The following RNFT2 variants were observed in gnomAD, a reference collection of about 807,000 sequenced individuals.
RNFT2 encodes ring finger protein, transmembrane 2, also known as E3 ubiquitin-protein ligase RNFT2.
Under a neutral mutation model 53.0 loss-of-function variants are expected in RNFT2, and 36 were observed. The ratio of observed to expected loss-of-function variants is 0.68; its 90% confidence interval spans 0.52 to 0.90. The LOEUF (loss-of-function observed/expected upper bound fraction) is 0.90, where lower values mean the gene tolerates loss of function less well. Among genes scored for constraint, RNFT2 ranks in the 40% least tolerant of loss-of-function variants. The pLI is 0.00. For synonymous variants in RNFT2, 260 were observed against 253.2 expected, an observed-to-expected ratio of 1.03 and a Z score of -0.26; for missense variants, 514 against 585.6, an observed-to-expected ratio of 0.88 and a Z score of 1.26.
chr12:116,740,616 A>G, intron 2 of RNFT2, 95 bp downstream of exon 2: 1 of 1,094,098 alleles, frequency 9.1e-7, no homozygotes, highest in East Asian at 2.6e-5. Context: ...CACCCCTCCC[A>G]TGTAACACAT....
chr12:116,750,375 T>TG, intron 4 of RNFT2, 68 bp downstream of exon 4: 2 of 1,455,420 alleles, frequency 1.4e-6, no homozygotes, highest in Non-Finnish European at 1.9e-6. Flanking sequence ...GCCGGTGGGG[T>TG]GGGGGCTCCT....
At chr12:116,744,399 AG>A (rs973310674) in intron 3 of RNFT2, among the ~76,000 whole-genome samples, 3 of 152,268 alleles carry the variant, frequency 2.0e-5, no homozygotes, top group Non-Finnish European at 4.4e-5. Context: ...AGAGCACAGC[AG>A]GAAACTCAAA....
rs556330974 is a variant in RNFT2, at chr12:116,755,958, G to A, written c.627+1898G>A. Reference sequence around the variant, plus strand: ...TTTGTACCAGTACCATGCTGTTTTGGTGACTATGGCCTTATAGTATAGGTT... The same window carrying A: ...TTTGTACCAGTACCATGCTGTTTTGATGACTATGGCCTTATAGTATAGGTT... On this transcript the variant is annotated intron_variant, in intron 5 of 10. Coordinates refer to ENST00000257575, the MANE Select transcript of RNFT2 (RefSeq NM_001382266.1). The A allele has an allele frequency of 4.7e-5, 39 of 830,618 alleles. No individual in the cohort carries two copies. The East Asian group carries it at 9.3e-4, about 20-fold the overall frequency. The allele number at this position is 830,618 out of a possible 1,614,324, so 51.5% of individuals were successfully genotyped here.
intron 7 of RNFT2, among the ~76,000 whole-genome samples, chr12:116,786,230 TC>T (rs1873929665): frequency 2.0e-5 from 3 of 151,788 alleles, no homozygotes; most frequent in African/African-American, 7.2e-5. Flanking sequence ...CAAGGTATTC[TC>T]CTGCCTCAGC....
At chr12:116,771,220 G>T (rs1873160729) in intron 6 of RNFT2, among the ~76,000 whole-genome samples, 1 of 151,992 alleles carries the variant, frequency 6.6e-6, no homozygotes, top group Non-Finnish European at 1.5e-5. Context: ...AGCACTTTGG[G>T]AGGCCGAGAT....
intron 7 of RNFT2, among the ~76,000 whole-genome samples, chr12:116,781,057 C>T (rs10744883): frequency 0.84 from 127,708 of 152,172 alleles, 55,206 homozygotes; most frequent in Non-Finnish European, 0.94. Context: ...CTTTGCTCCA[C>T]GCTCTGCACA....
chr12:116,814,108 T>C lies in RNFT2; in HGVS notation c.883-19684T>C, dbSNP rs962888191. Reference sequence around the variant, plus strand: ...GTCATTCTCCAGGAGTAGATGATGATAGTCATTGTCATGGCAACATTGTAG... The same window carrying C: ...GTCATTCTCCAGGAGTAGATGATGACAGTCATTGTCATGGCAACATTGTAG... On this transcript the variant is annotated intron_variant, in intron 7 of 10. Transcript: ENST00000257575. 3.9e-5 allele frequency among the ~76,000 whole-genome samples: 6 copies of C among 152,274 alleles called. No individual in the cohort carries two copies. In the East Asian group the frequency reaches 1.2e-3, roughly 29 times the overall value.
At chr12:116,796,688 G>A (rs981724734) in intron 7 of RNFT2, among the ~76,000 whole-genome samples, 1 of 152,128 alleles carries the variant, frequency 6.6e-6, no homozygotes, top group African/African-American at 2.4e-5. Flanking sequence ...AGGCATCTTC[G>A]CTCCTGGAGG....
chr12:116,749,978 C>G lies in RNFT2; in HGVS notation c.221C>G (p.Ser74Cys), dbSNP rs1872099717. ...SGSLPTSSFPSSLVLGSSAGG... is the reference protein window; with the variant it reads ...SGSLPTSSFPCSLVLGSSAGG... Reference sequence around the variant, plus strand: ...AGCCTCCCCACCAGCTCGTTCCCCTCCAGCCTGGTGCTGGGCTCCTCGGCT... The same window carrying G: ...AGCCTCCCCACCAGCTCGTTCCCCTGCAGCCTGGTGCTGGGCTCCTCGGCT... The change falls in exon 4 of 11, where the codon TCC becomes TGC. Residue 74 changes from serine (S) to cysteine (C), a missense_variant. Ser to Cys is a moderately radical substitution (Grantham distance 112). Coordinates refer to ENST00000257575, the MANE Select transcript of RNFT2 (RefSeq NM_001382266.1). 1.3e-6 allele frequency: 2 copies of G among 1,561,062 alleles called. No individual in the cohort carries two copies. The highest frequency in any genetic ancestry group is 1.7e-6 in the Non-Finnish European group (2 of 1,152,450).
At chr12:116,805,138 A>G (rs1329505638) in intron 7 of RNFT2, among the ~76,000 whole-genome samples, 1 of 73,356 alleles carries the variant, frequency 1.4e-5, no homozygotes, top group South Asian at 4.7e-4. Flanking sequence ...TTTTTTTTTT[A>G]GAAGTTTTAG....
At position 116,760,923 on chromosome 12, in the gene RNFT2, G is replaced by C. The variant is rs578030980; in HGVS notation, c.628-5891G>C. On this transcript the variant is annotated intron_variant, in intron 5 of 10. Coordinates refer to ENST00000257575, the MANE Select transcript of RNFT2 (RefSeq NM_001382266.1). ...AGACAGAGTCTTGCTCTGTTGTCCA[G>C]GCTGCAGTGCAGTGGCATGACCATA... is the stretch of plus-strand genomic sequence containing the variant. Among the ~76,000 whole-genome samples, 12 of 152,214 alleles carry C rather than the reference G, an allele frequency of 7.9e-5. No individual in the cohort carries two copies. The South Asian group carries it at 2.3e-3, about 29-fold the overall frequency.
At position 116,836,276 on chromosome 12, in the gene RNFT2, G is replaced by T. The variant is rs781168947; in HGVS notation, c.1194G>T (p.Leu398=). 4 of 1,571,466 alleles carry T rather than the reference G, an allele frequency of 2.5e-6. No individual in the cohort carries two copies. In the South Asian group the frequency reaches 4.7e-5, roughly 18 times the overall value. The change falls in exon 10 of 11, where the codon CTG becomes CTT. Residue 398 remains leucine (L), a synonymous_variant. Coordinates refer to ENST00000257575, the MANE Select transcript of RNFT2 (RefSeq NM_001382266.1). The stretch of plus-strand genomic sequence containing the variant: ...AGTTCCGAGAGCCTCTGATTCTCCT[G>T]TGCCAGGTGAGCAGGGCTCAGGCGG... ...QAEFREPLIL[L]CQHVFCEECL...
At chr12:116,804,436 G>A (rs1368452893) in intron 7 of RNFT2, among the ~76,000 whole-genome samples, 3 of 152,146 alleles carry the variant, frequency 2.0e-5, no homozygotes, top group Non-Finnish European at 4.4e-5. Flanking sequence ...AATATGTGTA[G>A]CTCTAGTTCT....
chr12:116,832,144 A>ATATATATATATATATAT (rs1414365866), intron 7 of RNFT2, among the ~76,000 whole-genome samples: 17 of 52,256 alleles, frequency 3.3e-4, no homozygotes, highest in African/African-American at 6.5e-4. Context: ...AAAAAAAAAA[A>ATATATATATATATATAT]AAAAATATAT....
chr12:116,750,376 G>C, intron 4 of RNFT2, 69 bp downstream of exon 4: 2 of 1,457,450 alleles, frequency 1.4e-6, no homozygotes, highest in Non-Finnish European at 1.9e-6. Context: ...CCGGTGGGGT[G>C]GGGGCTCCTC....
intron 4 of RNFT2, among the ~76,000 whole-genome samples, chr12:116,752,505 T>C (rs1291744408): frequency 6.6e-6 from 1 of 152,210 alleles, no homozygotes; most frequent in East Asian, 1.9e-4. Flanking sequence ...CTCATTCTTG[T>C]TTTATGTGCT....
In RNFT2 at chr12:116,846,437, A is replaced by ATTTTT. The variant is rs35922781; in HGVS notation, c.1201-2869_1201-2865dup. ...CGGCACATGCCACCATGCCCAGCTA[A>ATTTTT]TTTTTTTTTTTTGTAGAGACATATG... is the stretch of plus-strand genomic sequence containing the variant. On this transcript the variant is annotated intron_variant, in intron 10 of 10. Transcript: ENST00000257575. 3.5e-4 allele frequency among the ~76,000 whole-genome samples: 37 copies of ATTTTT among 104,380 alleles called. 1 individual carries two copies. The highest frequency in any genetic ancestry group is 2.7e-3 in the South Asian group (9 of 3,358). The allele number at this position is 104,380 out of a possible 152,430, so 68.5% of individuals were successfully genotyped here.
At position 116,852,351 on chromosome 12, in the gene RNFT2, G is replaced by C; in HGVS notation, c.*2903G>C. ...GCCCCGCCGTAGATTCAGGACATTT[G>C]CCCCTGTGTGCCACCAAACCAGGAC... On this transcript the variant is annotated 3_prime_UTR_variant, in exon 11 of 11. Coordinates refer to ENST00000257575, the MANE Select transcript of RNFT2 (RefSeq NM_001382266.1). 7.9e-7 allele frequency: 1 copy of C among 1,270,264 alleles called. No homozygotes were observed. Among genetic ancestry groups the C allele is most frequent in the South Asian group, 2.0e-5 (1 of 50,216 alleles). The allele number at this position is 1,270,264 out of a possible 1,614,324, so 78.7% of individuals were successfully genotyped here. A position where few individuals can be genotyped will look rare whatever the true frequency, so the allele number is the denominator to read the frequency against.
chr12:116,767,346 G>A (rs1438552025), intron 6 of RNFT2, among the ~76,000 whole-genome samples: 1 of 151,682 alleles, frequency 6.6e-6, no homozygotes, highest in Non-Finnish European at 1.5e-5. Context: ...AGCTTCCCAA[G>A]TAGCTGGTAC....
Sources: gnomAD v4.1 joint callset for allele counts (sites outside exome capture counted in the v4.1 genomes callset) on GRCh38, gnomAD v4.1.1 for gene constraint, MANE v1.5 for transcripts, NCBI Gene and HGNC (gene_info 2026-07-23, HGNC 2026-07-21) for gene names.